CNTNAP2: variants seen among roughly 807,000 people sequenced by gnomAD.
CNTNAP2 encodes contactin associated protein 2.
A neutral mutation model predicts 155.2 loss-of-function variants in CNTNAP2; 98 were observed. The observed-to-expected ratio is 0.63, with a 90% CI of 0.54 to 0.75. CNTNAP2 has a LOEUF of 0.75. CNTNAP2 is among the 30% of genes least tolerant of loss of function. The pLI, the probability that CNTNAP2 is intolerant of heterozygous loss-of-function variation, is 0.00. For synonymous variants in CNTNAP2, 651 were observed against 631.2 expected (o/e 1.03, Z -0.47); for missense variants, 1,727 against 1,688.1 (o/e 1.02, Z -0.40).
At chr7:146,314,242 A>G (rs1167102210) in intron 1 of CNTNAP2, among the ~76,000 whole-genome samples, 1 of 152,176 alleles carries the variant, frequency 6.6e-6, no homozygotes, top group Admixed American at 6.5e-5. Context: ...TAATCAGCCC[A>G]GTCAGAGATT....
intron 1 of CNTNAP2, among the ~76,000 whole-genome samples, chr7:146,467,918 T>C (rs1584939044): frequency 6.6e-6 from 1 of 152,308 alleles, no homozygotes; most frequent in East Asian, 1.9e-4. Context: ...TAAAAATACA[T>C]GCATACATGG....
intron 1 of CNTNAP2, among the ~76,000 whole-genome samples, chr7:146,243,838 A>G (rs1799600564): frequency 6.6e-6 from 1 of 152,200 alleles, no homozygotes; most frequent in Admixed American, 6.5e-5. Context: ...TCTTATATTA[A>G]TAAGAAAAAT....
At chr7:148,160,863 T>G (rs1180493487) in intron 17 of CNTNAP2, among the ~76,000 whole-genome samples, 2 of 152,226 alleles carry the variant, frequency 1.3e-5, no homozygotes, top group African/African-American at 4.8e-5. Context: ...TTTCTTCAGA[T>G]AGTTTCTTGC....
intron 13 of CNTNAP2, among the ~76,000 whole-genome samples, chr7:147,880,164 G>T (rs186207976): frequency 6.6e-6 from 1 of 152,106 alleles, no homozygotes; most frequent in Non-Finnish European, 1.5e-5. Context: ...TGGACCTCAC[G>T]CCCTCCTCTA....
chr7:147,067,284 C>T (rs1173241433), intron 4 of CNTNAP2, among the ~76,000 whole-genome samples: 6 of 102,626 alleles, frequency 5.8e-5, no homozygotes, highest in Admixed American at 2.0e-4. Flanking sequence ...AGTGAGACTC[C>T]GTCTCAAAAA....
chr7:146,271,012 G>A (rs894235342), intron 1 of CNTNAP2, among the ~76,000 whole-genome samples: 1 of 152,086 alleles, frequency 6.6e-6, no homozygotes, highest in Non-Finnish European at 1.5e-5. Context: ...TTAGTTTGGA[G>A]TCAAATGTAA....
At chr7:147,609,642 A>G (rs1194250208) in intron 12 of CNTNAP2, among the ~76,000 whole-genome samples, 1 of 152,066 alleles carries the variant, frequency 6.6e-6, no homozygotes, top group African/African-American at 2.4e-5. Context: ...GCTATAGGAA[A>G]AAATAGAGGT....
intron 15 of CNTNAP2, among the ~76,000 whole-genome samples, chr7:148,011,339 C>T (rs1055691085): frequency 1.3e-5 from 2 of 152,118 alleles, no homozygotes; most frequent in African/African-American, 4.8e-5. Context: ...GATTATACAT[C>T]ATTATTCTAG....
intron 1 of CNTNAP2, among the ~76,000 whole-genome samples, chr7:146,590,212 G>T (rs185377259): frequency 6.6e-6 from 1 of 152,108 alleles, no homozygotes; most frequent in Non-Finnish European, 1.5e-5. Flanking sequence ...CAAGGAATGC[G>T]GAATGCTTCC....
intron 1 of CNTNAP2, among the ~76,000 whole-genome samples, chr7:146,142,094 C>A (rs1797889674): frequency 6.6e-6 from 1 of 152,122 alleles, no homozygotes; most frequent in South Asian, 2.1e-4. Context: ...AATTAACTTT[C>A]ACAATAAGCA....
At chr7:148,028,157 G>T (rs12539685) in intron 15 of CNTNAP2, among the ~76,000 whole-genome samples, 6,235 of 152,180 alleles carry the variant, frequency 0.041, 296 homozygotes, top group East Asian at 0.28. Flanking sequence ...GACGAAATCG[G>T]TGTCATAAGG....
chr7:147,924,143 C>CTTTTCTTTTTTTTTTT, intron 14 of CNTNAP2, among the ~76,000 whole-genome samples: 1 of 123,494 alleles, frequency 8.1e-6, no homozygotes, highest in Non-Finnish European at 1.6e-5. Flanking sequence ...CTTTTCTTTT[C>CTTTTCTTTTTTTTTTT]TTTTTTTTTT....
intron 3 of CNTNAP2, among the ~76,000 whole-genome samples, chr7:146,878,660 T>C (rs1795478801): frequency 6.6e-6 from 1 of 152,150 alleles, no homozygotes; most frequent in South Asian, 2.1e-4. Flanking sequence ...ACAGCGCCTG[T>C]TTCTCTGACC....
At chr7:146,780,312 A>C (rs2129186980) in intron 2 of CNTNAP2, among the ~76,000 whole-genome samples, 1 of 151,884 alleles carries the variant, frequency 6.6e-6, no homozygotes, top group South Asian at 2.1e-4. Context: ...CAGCCTCCTG[A>C]GTAGCTGGGA....
At chr7:147,317,846 C>CT (rs577949462) in intron 9 of CNTNAP2, among the ~76,000 whole-genome samples, 2 of 147,572 alleles carry the variant, frequency 1.4e-5, no homozygotes, top group African/African-American at 5.0e-5. Flanking sequence ...ATATGTATCT[C>CT]TTTTTTTTCC....
At chr7:146,970,825 T>C (rs1020029088) in intron 3 of CNTNAP2, among the ~76,000 whole-genome samples, 1 of 152,040 alleles carries the variant, frequency 6.6e-6, no homozygotes, top group East Asian at 1.9e-4. Context: ...TGTCCAACAA[T>C]GATAGACTGG....
At chr7:146,917,672 G>C (rs1008026227) in intron 3 of CNTNAP2, among the ~76,000 whole-genome samples, 3 of 152,094 alleles carry the variant, frequency 2.0e-5, no homozygotes, top group Non-Finnish European at 4.4e-5. Flanking sequence ...GGAGGTAATT[G>C]AATCATGGGG....
At chr7:146,925,386 T>G (rs1327130619) in intron 3 of CNTNAP2, among the ~76,000 whole-genome samples, 1 of 152,020 alleles carries the variant, frequency 6.6e-6, no homozygotes, top group African/African-American at 2.4e-5. Context: ...AAGAGCAAGG[T>G]GACAAAAATG....
chr7:146,366,187 T>C (rs897845536), intron 1 of CNTNAP2, among the ~76,000 whole-genome samples: 6 of 152,270 alleles, frequency 3.9e-5, no homozygotes, highest in Admixed American at 1.3e-4. Context: ...TGTTTTCTAC[T>C]AGATTTAATC....
Sources: gnomAD v4.1 joint callset for allele counts (sites outside exome capture counted in the v4.1 genomes callset) on GRCh38, gnomAD v4.1.1 for gene constraint, MANE v1.5 for transcripts, NCBI Gene and HGNC (gene_info 2026-07-23, HGNC 2026-07-21) for gene names.